Variants in RTL4 observed in about 807,000 individuals in gnomAD.
RTL4 encodes retrotransposon Gag like 4.
Under a neutral mutation model 5.3 loss-of-function variants are expected in RTL4, and 4 were observed. The observed-to-expected ratio is 0.75, with a 90% CI of 0.37 to 1.72. The LOEUF is 1.72. RTL4 is among the 40% of genes most tolerant of loss of function. RTL4 has a pLI of 0.04. For missense variants in RTL4, 260 were observed against 227.1 expected (o/e 1.14, Z -0.93); for synonymous variants, 98 against 87.3 (o/e 1.12, Z -0.68).
chrX:112,455,587 G>A (rs1446925096), exon 1 of RTL4: 1 of 1,211,598 alleles, frequency 8.3e-7, no homozygotes, highest in South Asian at 1.8e-5. Flanking sequence ...CAGCCAATCT[G>A]GTCACTTCAC....
the RTL4 span, among the ~76,000 whole-genome samples, chrX:112,449,206 G>A: frequency 9.0e-6 from 1 of 111,403 alleles, no homozygotes; most frequent in Non-Finnish European, 1.9e-5. Flanking sequence ...AGGCAGAGAA[G>A]AAGAGAGTGG....
the RTL4 span, among the ~76,000 whole-genome samples, chrX:112,323,377 G>A: frequency 9.0e-6 from 1 of 111,638 alleles, no homozygotes; most frequent in African/African-American, 3.2e-5. Context: ...CTTTGTTTAT[G>A]TGTAATAACC....
the RTL4 span, among the ~76,000 whole-genome samples, chrX:112,378,427 C>CTTAGTTAT: frequency 9.0e-6 from 1 of 111,379 alleles, no homozygotes. Context: ...AGGTAGTACA[C>CTTAGTTAT]TTAGTTATTC....
At chrX:112,190,182 TTC>T in the RTL4 span, among the ~76,000 whole-genome samples, 8 of 102,374 alleles carry the variant, frequency 7.8e-5, no homozygotes, top group Non-Finnish European at 1.4e-4. Flanking sequence ...CTTTCTTTCT[TTC>T]TTTCTTTCTT....
the RTL4 span, among the ~76,000 whole-genome samples, chrX:112,304,988 C>T: frequency 3.6e-5 from 4 of 109,896 alleles, no homozygotes; most frequent in South Asian, 4.0e-4. Context: ...CTGTCAAAAA[C>T]GTGAAAAAAA....
the RTL4 span, among the ~76,000 whole-genome samples, chrX:112,177,190 T>A: frequency 9.0e-6 from 1 of 111,396 alleles, no homozygotes. Context: ...TTTATTTTAT[T>A]TGGGTATGTA....
At chrX:112,149,143 G>A in the RTL4 span, among the ~76,000 whole-genome samples, 1 of 112,041 alleles carries the variant, frequency 8.9e-6, no homozygotes, top group South Asian at 3.8e-4. Flanking sequence ...GGAATCATTT[G>A]CTTGTTTTCT....
the RTL4 span, among the ~76,000 whole-genome samples, chrX:112,296,438 C>G: frequency 9.0e-6 from 1 of 110,865 alleles, no homozygotes; most frequent in African/African-American, 3.3e-5. Flanking sequence ...TTGTTCCCCA[C>G]TAATTCATAG....
chrX:112,114,342 T>C, the RTL4 span, among the ~76,000 whole-genome samples: 2 of 111,637 alleles, frequency 1.8e-5, no homozygotes, highest in Non-Finnish European at 3.8e-5. Flanking sequence ...CTTTCTTTGG[T>C]TATCATTCTA....
the RTL4 span, among the ~76,000 whole-genome samples, chrX:112,349,843 A>G: frequency 9.4e-6 from 1 of 106,772 alleles, no homozygotes; most frequent in Non-Finnish European, 1.9e-5. Context: ...TTCCTAATTG[A>G]ATACCCTTTA....
chrX:112,166,477 G>A, the RTL4 span, among the ~76,000 whole-genome samples: 1 of 111,544 alleles, frequency 9.0e-6, no homozygotes, highest in Non-Finnish European at 1.9e-5. Context: ...AGTTCTTTTT[G>A]GAGATCCCAA....
the RTL4 span, among the ~76,000 whole-genome samples, chrX:112,219,872 G>A: frequency 3.6e-5 from 4 of 111,764 alleles, no homozygotes; most frequent in Non-Finnish European, 5.6e-5. Context: ...CTGGTTAGAC[G>A]CTTGGAGCCC....
the RTL4 span, among the ~76,000 whole-genome samples, chrX:112,157,357 T>C: frequency 9.0e-6 from 1 of 111,080 alleles, no homozygotes; most frequent in African/African-American, 3.3e-5. Context: ...TAAGTATAGT[T>C]CTAGCTCCGA....
the RTL4 span, among the ~76,000 whole-genome samples, chrX:112,414,414 A>G: frequency 1.8e-5 from 2 of 111,441 alleles, no homozygotes; most frequent in Non-Finnish European, 3.8e-5. Flanking sequence ...CCATTTCAAA[A>G]TCACTTTTTG....
the RTL4 span, among the ~76,000 whole-genome samples, chrX:112,384,481 T>C: frequency 8.9e-6 from 1 of 112,039 alleles, no homozygotes; most frequent in African/African-American, 3.2e-5. Flanking sequence ...TCCCCATTAC[T>C]TGTTTTTGTC....
chrX:112,139,254 A>C, the RTL4 span, among the ~76,000 whole-genome samples: 1 of 111,495 alleles, frequency 9.0e-6, no homozygotes, highest in Non-Finnish European at 1.9e-5. Context: ...CACTTGGTTA[A>C]GGTTGTGTCT....
At chrX:112,091,335 A>C in the RTL4 span, among the ~76,000 whole-genome samples, 6 of 111,773 alleles carry the variant, frequency 5.4e-5, no homozygotes. Context: ...AATGTAAGTT[A>C]GGTTATTAAT....
At chrX:112,384,457 A>G in the RTL4 span, among the ~76,000 whole-genome samples, 1 of 111,881 alleles carries the variant, frequency 8.9e-6, no homozygotes, top group Non-Finnish European at 1.9e-5. Flanking sequence ...CCATTCATTA[A>G]ATAGGGAATC....
chrX:112,126,440 A>G, the RTL4 span, among the ~76,000 whole-genome samples: 1 of 112,366 alleles, frequency 8.9e-6, no homozygotes, highest in African/African-American at 3.2e-5. Flanking sequence ...TCAGAGGAAT[A>G]TTTGTAGCTG....
Sources: gnomAD v4.1 joint callset for allele counts (sites outside exome capture counted in the v4.1 genomes callset) on GRCh38, gnomAD v4.1.1 for gene constraint, MANE v1.5 for transcripts, NCBI Gene and HGNC (gene_info 2026-07-23, HGNC 2026-07-21) for gene names.